Variants in IDE observed in about 807,000 individuals in gnomAD.
IDE encodes insulin-degrading enzyme.
A neutral mutation model predicts 133.2 loss-of-function variants in IDE; 58 were observed. The observed-to-expected ratio is 0.44, with a 90% CI of 0.35 to 0.54. The LOEUF is 0.54. Ranked by LOEUF, IDE falls within the 20% of genes least tolerant of loss-of-function variation. The probability of loss-of-function intolerance (pLI) is 0.00; values close to 1 mark genes in which losing one functional copy is unlikely to be tolerated. For synonymous variants in IDE, 396 were observed against 421.3 expected (o/e 0.94, Z 0.73); for missense variants, 981 against 1,234.0 (o/e 0.79, Z 3.07).
Position 92,504,879 on chromosome 10 carries a change from C to A in IDE, c.1345G>T (p.Val449Leu), listed in dbSNP as rs557704549. ...TCCAGTAAATATTCCGCTGTGAGCA[C>A]CTCTTCTAGGGGATAATACTTTTAA... is the stretch of plus-strand genomic sequence containing the variant. ...GILHYYPLEE[V>L]LTAEYLLEEF... The change falls in exon 11 of 25, where the codon GTG (valine) becomes TTG (leucine). Residue 449 changes from valine (V) to leucine (L), a missense_variant. Transcript: ENST00000265986. The A allele has an allele frequency of 1.3e-6, 2 of 1,539,396 alleles. No individual in the cohort carries two copies. Among genetic ancestry groups the A allele is most frequent in the African/African-American group, 2.8e-5 (2 of 72,314 alleles).
At position 92,461,667 on chromosome 10, in the gene IDE, AT is replaced by A. The variant is rs756072204; in HGVS notation, c.2762-416del. On this transcript the variant is annotated intron_variant, in intron 21 of 24. Coordinates refer to ENST00000265986, the MANE Select transcript of IDE (RefSeq NM_004969.4). ...CATCGCGTCTGGCCAAGTATTCACA[AT>A]TTTTTTTTTTTTTTGAGATGGAGTC... Among the ~76,000 whole-genome samples, 510 of 141,924 alleles carry A rather than the reference AT, an allele frequency of 3.6e-3. 2 individuals carry two copies. Among genetic ancestry groups the A allele is most frequent in the East Asian group, 0.03 (145 of 4,850 alleles). The allele number at this position is 141,924 out of a possible 152,430, so 93.1% of individuals were successfully genotyped here.
Position 92,531,894 on chromosome 10 carries a change from G to A in IDE, c.515C>T (p.Pro172Leu), listed in dbSNP as rs139454255. 6.4e-7 allele frequency: 1 copy of A among 1,554,768 alleles called. No individual in the cohort carries two copies. The highest frequency in any genetic ancestry group is 8.7e-7 in the Non-Finnish European group (1 of 1,145,230). The change falls in exon 4 of 25, where the codon CCC (proline) becomes CTC (leucine). Residue 172 changes from proline to leucine, a missense_variant. Coordinates refer to ENST00000265986, the MANE Select transcript of IDE (RefSeq NM_004969.4). ...GTCTTTGCAACTTTCATCGAACAAG[G>A]GGCACAGAAAAAACTGTGCAAACCT... ...LDRFAQFFLC[P>L]LFDESCKDRE... is the part of the protein sequence containing the mutation.
intron 11 of IDE, among the ~76,000 whole-genome samples, chr10:92,502,249 A>G (rs1365494163): frequency 6.6e-6 from 1 of 152,192 alleles, no homozygotes; most frequent in Non-Finnish European, 1.5e-5. Context: ...TAATAATATC[A>G]AGTCTCCTAA....
At chr10:92,459,292 C>G (rs759593128) in intron 22 of IDE, among the ~76,000 whole-genome samples, 1 of 152,182 alleles carries the variant, frequency 6.6e-6, no homozygotes, top group Non-Finnish European at 1.5e-5. Context: ...TACCCTCTCA[C>G]TCAGCACTAG....
intron 5 of IDE, among the ~76,000 whole-genome samples, chr10:92,514,108 C>T (rs955762585): frequency 6.6e-5 from 10 of 152,072 alleles, no homozygotes; most frequent in African/African-American, 1.9e-4. Context: ...CCTATTTGAA[C>T]TCTGATTATT....
Position 92,515,023 on chromosome 10 carries a change from CT to C in IDE, c.680del (p.Glu227GlyfsTer11), listed in dbSNP as rs1437864361. ...CAATGCCTTCTTGGTTTGGTCTAGT[CT>C]CCAGAGTATATTTGTTACCTGGAAG... ...KFGTGNKYTLETRPNQEGIDV... is the reference protein window; with the variant it reads ...KFGTGNKYTLXTRPNQEGIDV... On this transcript the variant is annotated frameshift_variant, in exon 5 of 25. Transcript: ENST00000265986. LOFTEE classifies it high-confidence loss of function. 1.2e-6 allele frequency: 2 copies of C among 1,607,960 alleles called. No individual in the cohort carries two copies. Among genetic ancestry groups the C allele is most frequent in the Non-Finnish European group, 1.7e-6 (2 of 1,177,156 alleles).
intron 1 of IDE, among the ~76,000 whole-genome samples, chr10:92,573,482 G>C (rs1316123910): frequency 1.3e-5 from 2 of 152,240 alleles, no homozygotes; most frequent in East Asian, 3.8e-4. Flanking sequence ...CTGAGGGCAA[G>C]GTGAGAAGCG....
chr10:92,525,759 A>C (rs1849590963), intron 4 of IDE, among the ~76,000 whole-genome samples: 1 of 151,546 alleles, frequency 6.6e-6, no homozygotes, highest in South Asian at 2.1e-4. Context: ...TCTGAAAAAA[A>C]AAAAAAAAAA....
At chr10:92,464,525 C>T (rs1306296359) in intron 20 of IDE, among the ~76,000 whole-genome samples, 3 of 152,210 alleles carry the variant, frequency 2.0e-5, no homozygotes, top group African/African-American at 4.8e-5. Flanking sequence ...CTCATGAGGA[C>T]ATGCACTACC....
Position 92,531,743 on chromosome 10 carries a change from C to G in IDE, c.661+5G>C. On this transcript the variant is annotated splice_donor_5th_base_variant and intron_variant, in intron 4 of 24. Coordinates refer to ENST00000265986, the MANE Select transcript of IDE (RefSeq NM_004969.4). ...TGAGGTCAAGGAAAGCAGCTGTTGA[C>G]AAACCTGTCCCAAATTTACTGAAGG... is the stretch of plus-strand genomic sequence containing the variant. The G allele has an allele frequency of 3.8e-6, 6 of 1,565,426 alleles. No individual in the cohort carries two copies. The highest frequency in any genetic ancestry group is 5.2e-6 in the Non-Finnish European group (6 of 1,151,400).
chr10:92,544,821 C>T (rs1464886984), intron 1 of IDE, among the ~76,000 whole-genome samples: 1 of 152,126 alleles, frequency 6.6e-6, no homozygotes, highest in African/African-American at 2.4e-5. Flanking sequence ...AACCATAATA[C>T]ATGGCAGGAT....
At chr10:92,495,521 T>C (rs1164315646) in intron 11 of IDE, among the ~76,000 whole-genome samples, 2 of 152,028 alleles carry the variant, frequency 1.3e-5, no homozygotes, top group Admixed American at 6.6e-5. Context: ...ACCCAGTCTT[T>C]TGTATTTTTA....
chr10:92,515,899 A>G (rs981286650), intron 4 of IDE, among the ~76,000 whole-genome samples: 2 of 149,186 alleles, frequency 1.3e-5, no homozygotes, highest in Admixed American at 6.7e-5. Context: ...GGCCGGGTGC[A>G]TGGCTCACGC....
At chr10:92,486,883 T>C (rs748121063) in intron 13 of IDE, among the ~76,000 whole-genome samples, 17 of 152,198 alleles carry the variant, frequency 1.1e-4, no homozygotes, top group Non-Finnish European at 1.8e-4. Context: ...TACTTCCTTA[T>C]TGGGTCTTCA....
chr10:92,503,596 A>T (rs936515818), intron 11 of IDE, among the ~76,000 whole-genome samples: 44 of 152,208 alleles, frequency 2.9e-4, no homozygotes, highest in African/African-American at 1.0e-3. Flanking sequence ...TTCTCAACCT[A>T]AACAGTATAG....
At chr10:92,542,013 C>T (rs1842330852) in intron 1 of IDE, among the ~76,000 whole-genome samples, 2 of 152,164 alleles carry the variant, frequency 1.3e-5, no homozygotes, top group Non-Finnish European at 2.9e-5. Context: ...AGTCCTGTGT[C>T]CAGCCTCCCC....
intron 22 of IDE, among the ~76,000 whole-genome samples, chr10:92,459,058 T>G (rs2135312460): frequency 6.6e-6 from 1 of 152,328 alleles, no homozygotes; most frequent in African/African-American, 2.4e-5. Context: ...CTGAAAAAGG[T>G]GCTTTCAAAA....
At chr10:92,571,461 C>T (rs1843784066) in intron 1 of IDE, among the ~76,000 whole-genome samples, 1 of 152,148 alleles carries the variant, frequency 6.6e-6, no homozygotes, top group Non-Finnish European at 1.5e-5. Flanking sequence ...ACTGACATAC[C>T]ACTGTTTCCT....
rs555059464 is a variant in IDE, at chr10:92,565,287, T to C, written c.98+8635A>G. On this transcript the variant is annotated intron_variant, in intron 1 of 24. Coordinates refer to ENST00000265986, the MANE Select transcript of IDE (RefSeq NM_004969.4). Reference sequence around the variant, plus strand: ...AGAAAAAATTAGCTGGGCATGGTGGTGGGCACCTGTAATTGCAGCTACTCA... The same window carrying C: ...AGAAAAAATTAGCTGGGCATGGTGGCGGGCACCTGTAATTGCAGCTACTCA... Among the ~76,000 whole-genome samples, 1,123 of 144,894 alleles carry C rather than the reference T, an allele frequency of 7.8e-3. 15 individuals are homozygous for C. The highest frequency in any genetic ancestry group is 0.027 in the African/African-American group (1,074 of 39,164).
Sources: allele counts gnomAD v4.1 joint callset (sites outside exome capture counted in the v4.1 genomes callset), GRCh38; gene constraint gnomAD v4.1.1; transcripts MANE v1.5; gene names NCBI Gene and HGNC (gene_info 2026-07-23, HGNC 2026-07-21).